Variants in ASAP2 observed in about 807,000 individuals in gnomAD.
ASAP2 encodes the protein arf-GAP with SH3 domain, ANK repeat and PH domain-containing protein 2.
A neutral mutation model predicts 131.4 loss-of-function variants in ASAP2; 45 were observed. The ratio of observed to expected loss-of-function variants is 0.34; its 90% CI spans 0.27 to 0.44. The LOEUF (loss-of-function observed/expected upper bound fraction) is 0.44. Among genes scored for constraint, ASAP2 ranks in the 20% least tolerant of loss-of-function variants. The pLI is 1.00. For missense variants in ASAP2, 1,011 were observed against 1,297.0 expected, an observed-to-expected ratio of 0.78 and a Z score of 3.39; for synonymous variants, 510 against 503.0, an observed-to-expected ratio of 1.01 and a Z score of -0.19.
At chr2:9,220,073 A>G (rs952397627) in intron 1 of ASAP2, among the ~76,000 whole-genome samples, 2 of 152,176 alleles carry the variant, frequency 1.3e-5, no homozygotes, top group Non-Finnish European at 1.5e-5. Flanking sequence ...TATTCTATCA[A>G]ATGTGTATGA....
intron 1 of ASAP2, among the ~76,000 whole-genome samples, chr2:9,270,894 G>A (rs1228663462): frequency 8.6e-5 from 12 of 139,924 alleles, no homozygotes; most frequent in East Asian, 2.3e-4. Flanking sequence ...CCGGGTTCAC[G>A]CCATTCTCCT....
chr2:9,334,791 C>G lies in ASAP2; in HGVS notation c.740C>G (p.Thr247Arg). 6.2e-7 allele frequency: 1 copy of G among 1,614,072 alleles called. No individual in the cohort carries two copies. The highest frequency in any genetic ancestry group is 8.5e-7 in the Non-Finnish European group (1 of 1,179,946). ...AVESLKPSIE[T>R]LSTDLHTIKQ... The stretch of plus-strand genomic sequence containing the variant: ...GAAAGCCTCAAACCTTCCATTGAAA[C>G]GCTGTCTACGGATCTTCACACGGTG... The change falls in exon 8 of 28, where the codon ACG (threonine) becomes AGG (arginine). Residue 247 changes from threonine (T) to arginine (R), a missense_variant. Thr to Arg is a moderately conservative substitution (Grantham distance 71, BLOSUM62 -1). Around this residue, in one of 2 missense-constraint regions of ASAP2, gnomAD observed 359 missense variants for 598.1 expected, o/e 0.60. Transcript: ENST00000281419.
intron 1 of ASAP2, among the ~76,000 whole-genome samples, chr2:9,272,456 T>C (rs1666465624): frequency 6.6e-6 from 1 of 152,268 alleles, no homozygotes; most frequent in African/African-American, 2.4e-5. Context: ...TTTTGGTTAT[T>C]AATTCCTTGT....
chr2:9,300,210 C>T (rs1197368051), intron 3 of ASAP2, among the ~76,000 whole-genome samples: 4 of 152,192 alleles, frequency 2.6e-5, no homozygotes, highest in East Asian at 1.9e-4. Context: ...TCCACCTGGG[C>T]GACAGAGAGT....
chr2:9,343,457 GT>G (rs1553317095), intron 9 of ASAP2, among the ~76,000 whole-genome samples: 3 of 151,942 alleles, frequency 2.0e-5, no homozygotes, highest in Non-Finnish European at 4.4e-5. Flanking sequence ...TTTGGTTTTT[GT>G]TTTTTTGAGA....
intron 5 of ASAP2, among the ~76,000 whole-genome samples, chr2:9,321,721 A>T (rs746427113): frequency 1.7e-4 from 26 of 152,160 alleles, no homozygotes; most frequent in Non-Finnish European, 3.7e-4. Context: ...TGCCTGAGAG[A>T]GTCATCTGGT....
At chr2:9,309,661 C>A (rs1369870253) in intron 3 of ASAP2, among the ~76,000 whole-genome samples, 1 of 152,138 alleles carries the variant, frequency 6.6e-6, no homozygotes, top group Non-Finnish European at 1.5e-5. Flanking sequence ...AATAAAGCTG[C>A]TTAAAACTTT....
At chr2:9,261,429 G>A (rs1414321213) in intron 1 of ASAP2, among the ~76,000 whole-genome samples, 1 of 152,206 alleles carries the variant, frequency 6.6e-6, no homozygotes, top group Non-Finnish European at 1.5e-5. Context: ...AAGAGGTGGT[G>A]ATTTCACAAG....
At chr2:9,320,438 C>T in intron 5 of ASAP2, 101 bp downstream of exon 5, 1 of 876,972 alleles carries the variant, frequency 1.1e-6, no homozygotes, top group Non-Finnish European at 1.8e-6. Flanking sequence ...AAACCTTAAT[C>T]CAGAAAAGAA....
chr2:9,320,289 A>C lies in ASAP2; in HGVS notation c.422A>C (p.Asp141Ala). ...LKGDLKGVKG[D>A]LKKPFDKAWK... is the part of the protein sequence containing the mutation. ...TAATTTATTATTCTTTGTTTACAGG[A>C]TCTGAAAAAGCCTTTTGATAAAGCT... Residue 141 changes from aspartate (D) to alanine (A), a missense_variant and splice_region_variant, in exon 5 of 28, where the codon GAT becomes GCT. Asp to Ala is a moderately radical substitution (Grantham distance 126, BLOSUM62 -2). Around this residue, in one of 2 missense-constraint regions of ASAP2, gnomAD observed 359 missense variants for 598.1 expected, o/e 0.60. Transcript: ENST00000281419. 6.2e-7 allele frequency: 1 copy of C among 1,609,852 alleles called. No homozygotes were observed. The highest frequency in any genetic ancestry group is 1.1e-5 in the South Asian group (1 of 89,982).
chr2:9,363,391 T>C (rs1673237713), intron 15 of ASAP2, among the ~76,000 whole-genome samples: 1 of 152,228 alleles, frequency 6.6e-6, no homozygotes, highest in Non-Finnish European at 1.5e-5. Context: ...TATAATAATT[T>C]ACATTCCCAC....
chr2:9,280,446 G>T (rs533750927), intron 2 of ASAP2, among the ~76,000 whole-genome samples: 1 of 151,834 alleles, frequency 6.6e-6, no homozygotes, highest in African/African-American at 2.4e-5. Context: ...AGCCACAATC[G>T]GGAAGAATCT....
intron 16 of ASAP2, 51 bp from the exon 17 acceptor site, chr2:9,374,704 C>A: frequency 6.6e-7 from 1 of 1,512,592 alleles, no homozygotes; most frequent in Non-Finnish European, 8.9e-7. Context: ...GGAGGCCGGA[C>A]GGCGGGTAGA....
At chr2:9,286,437 GAAAAA>G (rs556978805) in intron 2 of ASAP2, among the ~76,000 whole-genome samples, 1 of 128,868 alleles carries the variant, frequency 7.8e-6, no homozygotes, top group African/African-American at 3.0e-5. Context: ...TTTAAAAAAG[GAAAAA>G]AAAAAATATA....
At chr2:9,365,656 G>A (rs748337706) in intron 15 of ASAP2, among the ~76,000 whole-genome samples, 12 of 152,192 alleles carry the variant, frequency 7.9e-5, no homozygotes, top group Non-Finnish European at 1.5e-4. Flanking sequence ...CGACTCCCCC[G>A]TATGGTGAGT....
chr2:9,397,474 C>T (rs558900848), intron 24 of ASAP2, among the ~76,000 whole-genome samples: 49 of 152,156 alleles, frequency 3.2e-4, no homozygotes, highest in African/African-American at 1.0e-3. Flanking sequence ...ATGTCGTCAG[C>T]GCCCAGTGGA....
rs957103521 is a variant in ASAP2, at chr2:9,232,304, G to A, written c.126+25074G>A. Among the ~76,000 whole-genome samples the A allele has an allele frequency of 1.3e-5, 2 of 152,054 alleles. No individual in the cohort carries two copies. The highest frequency in any genetic ancestry group is 2.4e-5 in the African/African-American group (1 of 41,410). ...AGGTGGTCCCTCTGTTTGTAGAGTC[G>A]CCCTGCTCTTCGTATCTCCCTGCCT... On this transcript the variant is annotated intron_variant, in intron 1 of 27. Transcript: ENST00000281419. This position sits in a 1 kb window ranked among gnomAD's most constrained non-coding sequence, Gnocchi z 4.1.
chr2:9,370,117 CA>C (rs1160500352), intron 16 of ASAP2, among the ~76,000 whole-genome samples: 1 of 152,230 alleles, frequency 6.6e-6, no homozygotes, highest in Non-Finnish European at 1.5e-5. Flanking sequence ...GGATTACAGA[CA>C]TGAGCCACTG....
intron 1 of ASAP2, among the ~76,000 whole-genome samples, chr2:9,274,268 C>G (rs1666601896): frequency 6.6e-6 from 1 of 151,600 alleles, no homozygotes; most frequent in Non-Finnish European, 1.5e-5. Flanking sequence ...GCTAGGACTT[C>G]CAGTGCTGTT....
Sources: gnomAD v4.1 joint callset for allele counts (sites outside exome capture counted in the v4.1 genomes callset) on GRCh38, gnomAD v4.1.1 for gene constraint, gnomAD v4.1.1 regional missense constraint, Gnocchi (gnomAD v3.1) non-coding constraint, MANE v1.5 for transcripts, NCBI Gene and HGNC (gene_info 2026-07-23, HGNC 2026-07-21) for gene names.